Variants in KAZN observed in about 807,000 individuals in gnomAD.
The protein encoded by KAZN is kazrin.
In KAZN, 40 loss-of-function variants were observed where a neutral mutation model predicts 87.4. The ratio of observed to expected loss-of-function variants is 0.46; its 90% confidence interval spans 0.36 to 0.60. The LOEUF (loss-of-function observed/expected upper bound fraction) is 0.60. KAZN is among the 20% of genes least tolerant of loss of function. The pLI is 0.00. For missense variants in KAZN, 898 were observed against 1,073.9 expected (o/e 0.84, Z 2.29); for synonymous variants, 466 against 458.3 (o/e 1.02, Z -0.22).
chr1:14,827,562 T>A (rs1427295287), intron 1 of KAZN, among the ~76,000 whole-genome samples: 1 of 152,220 alleles, frequency 6.6e-6, no homozygotes, highest in Non-Finnish European at 1.5e-5. Flanking sequence ...CACACTAGGC[T>A]GACAGACAGT....
intron 2 of KAZN, among the ~76,000 whole-genome samples, chr1:14,548,888 C>A (rs767753539): frequency 6.6e-6 from 1 of 152,240 alleles, no homozygotes; most frequent in Non-Finnish European, 1.5e-5. Context: ...TATCTCTATG[C>A]TATTGATGTT....
intron 1 of KAZN, among the ~76,000 whole-genome samples, chr1:14,884,220 C>T (rs948386418): frequency 9.9e-5 from 15 of 152,020 alleles, no homozygotes; most frequent in Admixed American, 7.2e-4. Context: ...GGTGGAACCC[C>T]GTCTCTACTA....
chr1:14,789,753 T>A (rs1645615770), intron 1 of KAZN, among the ~76,000 whole-genome samples: 1 of 93,042 alleles, frequency 1.1e-5, no homozygotes, highest in Non-Finnish European at 1.8e-5. Flanking sequence ...TCTAAGCTCC[T>A]CATTACCAAA....
In KAZN at chr1:14,899,116, G is replaced by A. The variant is rs142219740; in HGVS notation, c.227-61568G>A. On this transcript the variant is annotated intron_variant, in intron 1 of 14. Coordinates refer to ENST00000376030, the MANE Select transcript of KAZN (RefSeq NM_201628.3). ...TCTACCACCTGTGAGTCATAAGAAGGGGCCCCTGAGCAGATGTGTTGAATG... is the reference window on the plus strand; with the variant it reads ...TCTACCACCTGTGAGTCATAAGAAGAGGCCCCTGAGCAGATGTGTTGAATG... 3.0e-3 allele frequency among the ~76,000 whole-genome samples: 463 copies of A among 152,310 alleles called. 4 individuals carry two copies. The highest frequency in any genetic ancestry group is 4.2e-3 in the Non-Finnish European group (289 of 68,028).
At chr1:14,375,020 A>G (rs1174400977) in intron 2 of KAZN, among the ~76,000 whole-genome samples, 1 of 152,224 alleles carries the variant, frequency 6.6e-6, no homozygotes, top group Non-Finnish European at 1.5e-5. Flanking sequence ...AGGCCAACAC[A>G]GACTTTCAGC....
intron 10 of KAZN, among the ~76,000 whole-genome samples, chr1:15,098,699 C>T (rs1431513838): frequency 6.6e-6 from 1 of 152,220 alleles, no homozygotes; most frequent in Non-Finnish European, 1.5e-5. Context: ...AGGGGGACTG[C>T]CCCAGGACCT....
chr1:13,976,747 A>G (rs867970921), intron 1 of KAZN, among the ~76,000 whole-genome samples: 2 of 152,170 alleles, frequency 1.3e-5, no homozygotes, highest in Non-Finnish European at 2.9e-5. Flanking sequence ...AGAAGTGTGT[A>G]TCGATGCATC....
intron 2 of KAZN, among the ~76,000 whole-genome samples, chr1:14,244,526 A>C (rs575783737): frequency 7.0e-4 from 106 of 152,278 alleles, no homozygotes; most frequent in African/African-American, 2.5e-3. Flanking sequence ...TCTGGCCTCA[A>C]GGAGCTGAGG....
chr1:14,412,350 G>GA (rs756325321), intron 2 of KAZN, among the ~76,000 whole-genome samples: 8 of 152,156 alleles, frequency 5.3e-5, no homozygotes, highest in Non-Finnish European at 8.8e-5. Context: ...AGAATTAGGA[G>GA]AAAAAACCCC....
intron 2 of KAZN, among the ~76,000 whole-genome samples, chr1:14,442,153 G>C (rs1666741629): frequency 6.6e-6 from 1 of 152,228 alleles, no homozygotes; most frequent in Non-Finnish European, 1.5e-5. Flanking sequence ...CCACCTCACA[G>C]AGTTGCAAGG....
At chr1:15,078,508 G>A (rs960903678) in intron 8 of KAZN, among the ~76,000 whole-genome samples, 1 of 152,210 alleles carries the variant, frequency 6.6e-6, no homozygotes, top group African/African-American at 2.4e-5. Flanking sequence ...TGATTAAACT[G>A]TGAGCTGTTA....
In KAZN at chr1:14,111,687, C is replaced by T. The variant is rs796571747; in HGVS notation, c.92-68748C>T. 1.5e-5 allele frequency among the ~76,000 whole-genome samples: 2 copies of T among 132,410 alleles called. 1 individual carries two copies. Among genetic ancestry groups the T allele is most frequent in the African/African-American group, 5.9e-5 (2 of 33,820 alleles). The allele number at this position is 132,410 out of a possible 152,430, so 86.9% of individuals were successfully genotyped here. ...GGGCATTGAAAGTCCTGCACACCTG[C>T]GTTGTCTCTGGACTCCACACCTGAT... On this transcript the variant is annotated intron_variant, in intron 1 of 16. Transcript: ENST00000636203.
At chr1:14,944,305 ACT>A (rs1294677692) in intron 1 of KAZN, among the ~76,000 whole-genome samples, 1 of 151,850 alleles carries the variant, frequency 6.6e-6, no homozygotes, top group African/African-American at 2.4e-5. Flanking sequence ...AACTGCTGAA[ACT>A]CTGTAAGTGA....
chr1:15,116,159 G>A lies in KAZN; in HGVS notation c.*1524G>A, dbSNP rs4661321. On this transcript the variant is annotated 3_prime_UTR_variant, in exon 15 of 15. Transcript: ENST00000376030. ...TCTGCTTACACATCGGGTTATCAAA[G>A]CGAGTCACTTGTTGGAACCATGATG... The A allele has an allele frequency of 1.3e-5, 2 of 152,214 alleles. No homozygotes were observed. Among genetic ancestry groups the A allele is most frequent in the Admixed American group, 6.5e-5 (1 of 15,282 alleles). The allele number at this position is 152,214 out of a possible 1,614,324, so 9.4% of individuals were successfully genotyped here. A position where few individuals can be genotyped will look rare whatever the true frequency, so the allele number is the denominator to read the frequency against.
chr1:14,706,803 G>C (rs2148814767), intron 1 of KAZN, among the ~76,000 whole-genome samples: 1 of 152,206 alleles, frequency 6.6e-6, no homozygotes, highest in African/African-American at 2.4e-5. Flanking sequence ...TCTGTTTCCT[G>C]CTGCCTGACT....
Position 14,599,443 on chromosome 1 carries a change from C to A in KAZN, c.226+220C>A, listed in dbSNP as rs538898581. Among the ~76,000 whole-genome samples the A allele has an allele frequency of 1.0e-3, 157 of 152,298 alleles. No individual in the cohort carries two copies. The highest frequency in any genetic ancestry group is 1.4e-3 in the Non-Finnish European group (96 of 68,010). ...CGAGCGCAGTGTGCACGGGGTCACA[C>A]GGTCACACCGGCCCCGGCCAGCCTG... is the stretch of plus-strand genomic sequence containing the variant. On this transcript the variant is annotated intron_variant, in intron 1 of 14. Transcript: ENST00000376030. The surrounding 1 kb of genome is among the most constrained non-coding windows in gnomAD (Gnocchi z 4.4).
chr1:14,492,149 G>A (rs1249584234), intron 2 of KAZN, among the ~76,000 whole-genome samples: 1 of 152,152 alleles, frequency 6.6e-6, no homozygotes, highest in African/African-American at 2.4e-5. Flanking sequence ...TGACCAGCTG[G>A]GGAAACTGGC....
chr1:14,380,383 G>A (rs1448186949), intron 2 of KAZN, among the ~76,000 whole-genome samples: 3 of 152,096 alleles, frequency 2.0e-5, no homozygotes, highest in Non-Finnish European at 4.4e-5. Context: ...AAGACACCAG[G>A]AACCTATTTG....
At chr1:14,037,940 C>T (rs1641629925) in intron 1 of KAZN, among the ~76,000 whole-genome samples, 1 of 152,180 alleles carries the variant, frequency 6.6e-6, no homozygotes, top group Admixed American at 6.5e-5. Context: ...ACCCTGAAAG[C>T]TTTGGGTTTT....
Sources: allele counts gnomAD v4.1 joint callset (sites outside exome capture counted in the v4.1 genomes callset), GRCh38; gene constraint gnomAD v4.1.1; non-coding constraint Gnocchi (gnomAD v3.1); transcripts MANE v1.5; gene names NCBI Gene and HGNC (gene_info 2026-07-23, HGNC 2026-07-21).